SV2C: variants seen among roughly 807,000 people sequenced by gnomAD.
SV2C encodes solute carrier family 22 member B3.
A neutral mutation model predicts 79.7 loss-of-function variants in SV2C; 49 were observed. That is an observed-to-expected ratio of 0.61 (90% CI 0.49 to 0.78). SV2C has a LOEUF of 0.78. Ranked by LOEUF, SV2C falls within the 30% of genes least tolerant of loss-of-function variation. The pLI is 0.00. For synonymous variants in SV2C, 334 were observed against 333.2 expected (o/e 1.00, Z -0.03); for missense variants, 833 against 912.9 (o/e 0.91, Z 1.13).
chr5:75,870,139 T>G, the SV2C span, among the ~76,000 whole-genome samples: 2 of 151,856 alleles, frequency 1.3e-5, no homozygotes, highest in Non-Finnish European at 2.9e-5. Flanking sequence ...CAGGAAAACA[T>G]GACATCACCA....
chr5:76,262,849 A>T (rs2972820), intron 4 of SV2C, among the ~76,000 whole-genome samples: 38,604 of 152,036 alleles, frequency 0.25, 6,156 homozygotes, highest in South Asian at 0.41. Context: ...TTTTACTTCC[A>T]ATTATGTGGT....
intron 3 of SV2C, among the ~76,000 whole-genome samples, chr5:76,200,938 T>C (rs1744422939): frequency 1.3e-5 from 2 of 152,250 alleles, no homozygotes; most frequent in Non-Finnish European, 2.9e-5. Context: ...CTGCTGCACC[T>C]GGCCAAGCTC....
chr5:75,877,398 A>C, the SV2C span, among the ~76,000 whole-genome samples: 2 of 152,108 alleles, frequency 1.3e-5, no homozygotes, highest in Non-Finnish European at 2.9e-5. Context: ...TAAAACTAGA[A>C]GACCTGAAGA....
rs1236091127 is a variant in SV2C, at chr5:76,301,379, T to C, written c.1841-7T>C. The C allele has an allele frequency of 1.9e-6, 3 of 1,613,702 alleles. No homozygotes were observed. The East Asian group carries it at 6.7e-5, about 36-fold the overall frequency. On this transcript the variant is annotated splice_region_variant and splice_polypyrimidine_tract_variant and intron_variant, in intron 11 of 12. Transcript: ENST00000502798. ...ACATTCCAGCCTTTTGTCTGCATTGTTGGCAGGTGGCTCTATGGTGCTTTC... is the reference window on the plus strand; with the variant it reads ...ACATTCCAGCCTTTTGTCTGCATTGCTGGCAGGTGGCTCTATGGTGCTTTC...
At chr5:76,054,600 A>C in the SV2C span, among the ~76,000 whole-genome samples, 1 of 152,208 alleles carries the variant, frequency 6.6e-6, no homozygotes, top group Non-Finnish European at 1.5e-5. Context: ...ACTAATTTAC[A>C]TTCCCACCAA....
At chr5:76,285,714 C>A in intron 5 of SV2C, 67 bp from the exon 6 acceptor site, 3 of 1,342,380 alleles carry the variant, frequency 2.2e-6, no homozygotes, top group Admixed American at 1.8e-5. Flanking sequence ...TGCAAGACGG[C>A]TATTGGAAAA....
At chr5:76,019,535 A>G in the SV2C span, among the ~76,000 whole-genome samples, 1 of 152,156 alleles carries the variant, frequency 6.6e-6, no homozygotes, top group Non-Finnish European at 1.5e-5. Context: ...CTACAAGAGT[A>G]TTGCTCACCT....
the SV2C span, among the ~76,000 whole-genome samples, chr5:75,853,657 A>G: frequency 3.6e-5 from 5 of 137,708 alleles, no homozygotes; most frequent in African/African-American, 6.4e-5. Flanking sequence ...TACATCTACT[A>G]AAGTTATTTT....
At chr5:76,009,064 T>C in the SV2C span, among the ~76,000 whole-genome samples, 1 of 152,162 alleles carries the variant, frequency 6.6e-6, no homozygotes, top group Non-Finnish European at 1.5e-5. Flanking sequence ...ATGTCCATTC[T>C]AAGAAAACTG....
intron 3 of SV2C, among the ~76,000 whole-genome samples, chr5:76,201,179 T>C (rs1196146345): frequency 1.3e-5 from 2 of 152,256 alleles, no homozygotes; most frequent in Non-Finnish European, 2.9e-5. Context: ...ATTACTCATC[T>C]GTCTATCACT....
intron 2 of SV2C, among the ~76,000 whole-genome samples, chr5:76,168,601 C>T (rs1181356777): frequency 6.6e-6 from 1 of 152,218 alleles, no homozygotes; most frequent in African/African-American, 2.4e-5. Context: ...ATTTCTTATG[C>T]CGCGTTGCTC....
At chr5:75,948,533 A>G in the SV2C span, among the ~76,000 whole-genome samples, 2 of 151,982 alleles carry the variant, frequency 1.3e-5, no homozygotes, top group Non-Finnish European at 2.9e-5. Context: ...ATGAGGAGAA[A>G]CAAAGCAGGA....
At chr5:76,034,458 AG>A in the SV2C span, among the ~76,000 whole-genome samples, 1 of 152,200 alleles carries the variant, frequency 6.6e-6, no homozygotes, top group African/African-American at 2.4e-5. Flanking sequence ...TTTAGCATGA[AG>A]GGTTGTTGAA....
chr5:76,149,256 G>A (rs112038324), intron 2 of SV2C, among the ~76,000 whole-genome samples: 2,247 of 152,300 alleles, frequency 0.015, 23 homozygotes, highest in Non-Finnish European at 0.023. Context: ...TTGTGTGTAT[G>A]TCTTATGAGC....
chr5:75,962,766 G>T, the SV2C span, among the ~76,000 whole-genome samples: 2 of 152,082 alleles, frequency 1.3e-5, no homozygotes, highest in African/African-American at 4.8e-5. Flanking sequence ...GAGCCATGTG[G>T]CCAAACCACC....
At position 76,295,844 on chromosome 5, in the gene SV2C, G is replaced by A. The variant is rs1456305501; in HGVS notation, c.1404G>A (p.Leu468=). The change falls in exon 9 of 13, where the codon TTG becomes TTA. Residue 468 remains leucine, a synonymous_variant. Transcript: ENST00000502798. ...CTCTGCAGTCCGATGAATATGCATT[G>A]CTAACCAGAAATGTGGAGAGAGATA... is the stretch of plus-strand genomic sequence containing the variant. ...IKPLQSDEYA[L]LTRNVERDKY... 6.2e-7 allele frequency: 1 copy of A among 1,613,508 alleles called. No individual in the cohort carries two copies. The highest frequency in any genetic ancestry group is 1.1e-5 in the South Asian group (1 of 91,000).
chr5:76,082,607 CCTCT>C (rs529102891), upstream of SV2C, among the ~76,000 whole-genome samples: 436 of 145,130 alleles, frequency 3.0e-3, 2 homozygotes, highest in Admixed American at 3.5e-3. Context: ...TCCTCCTCCT[CCTCT>C]CTCTCTCTCT....
intron 2 of SV2C, among the ~76,000 whole-genome samples, chr5:76,154,131 T>C (rs1183014026): frequency 2.6e-5 from 4 of 152,138 alleles, no homozygotes; most frequent in African/African-American, 9.7e-5. Context: ...ACTAGAACAG[T>C]ACTAATCAAT....
At chr5:76,054,173 G>A in the SV2C span, among the ~76,000 whole-genome samples, 2 of 152,074 alleles carry the variant, frequency 1.3e-5, no homozygotes, top group Admixed American at 1.3e-4. Context: ...GCCCCGGTGT[G>A]TGATGTTCCC....
Sources: allele counts gnomAD v4.1 joint callset (sites outside exome capture counted in the v4.1 genomes callset), GRCh38; gene constraint gnomAD v4.1.1; transcripts MANE v1.5; gene names NCBI Gene and HGNC (gene_info 2026-07-23, HGNC 2026-07-21).